The following ARMC2 variants were observed in gnomAD, a reference collection of about 807,000 sequenced individuals.
ARMC2 encodes armadillo repeat containing 2, also known as armadillo repeat-containing protein 2.
A neutral mutation model predicts 90.3 loss-of-function variants in ARMC2; 67 were observed. The ratio of observed to expected loss-of-function variants is 0.74; its 90% confidence interval spans 0.61 to 0.91. The LOEUF is 0.91. ARMC2 is among the 40% of genes least tolerant of loss of function. The pLI, the probability that ARMC2 is intolerant of heterozygous loss-of-function variation, is 0.00. For synonymous variants in ARMC2, 393 were observed against 393.0 expected (o/e 1.00, Z 0.00); for missense variants, 920 against 1,030.9 (o/e 0.89, Z 1.47).
intron 5 of ARMC2, among the ~76,000 whole-genome samples, chr6:108,888,513 G>T (rs1770607525): frequency 6.6e-6 from 1 of 152,208 alleles, no homozygotes; most frequent in African/African-American, 2.4e-5. Context: ...AAAGAATAAA[G>T]ATTTGTTTCA....
chr6:109,049,436 C>T, the ARMC2 span, among the ~76,000 whole-genome samples: 1 of 151,900 alleles, frequency 6.6e-6, no homozygotes, highest in South Asian at 2.1e-4. Flanking sequence ...AAAATTATAG[C>T]TAGATAAGCA....
At chr6:108,920,342 G>A (rs1279335902) in intron 10 of ARMC2, among the ~76,000 whole-genome samples, 2 of 151,876 alleles carry the variant, frequency 1.3e-5, no homozygotes, top group African/African-American at 2.4e-5. Context: ...GGCACGTGCC[G>A]CCACTTTTTT....
rs116216014 is a variant in ARMC2 at position 108,874,004 on chromosome 6, A to G, written c.464-2139A>G. 4.2e-3 allele frequency among the ~76,000 whole-genome samples: 640 copies of G among 152,354 alleles called. 3 individuals are homozygous for G. The highest frequency in any genetic ancestry group is 0.014 in the African/African-American group (600 of 41,576). On this transcript the variant is annotated intron_variant, in intron 4 of 17. Transcript: ENST00000392644. Reference sequence around the variant, plus strand: ...GTGGTATATAACAGGTATCAAATAAATATTTGTGAACCTGAACTGGTCCTG... The same window carrying G: ...GTGGTATATAACAGGTATCAAATAAGTATTTGTGAACCTGAACTGGTCCTG...
chr6:109,027,060 C>T, the ARMC2 span, among the ~76,000 whole-genome samples: 3 of 152,070 alleles, frequency 2.0e-5, no homozygotes, highest in African/African-American at 7.2e-5. Flanking sequence ...ATCCCAACTA[C>T]TCAGGAGGCT....
intron 13 of ARMC2, among the ~76,000 whole-genome samples, chr6:108,955,656 C>A (rs1562426764): frequency 6.6e-6 from 1 of 152,138 alleles, no homozygotes; most frequent in Non-Finnish European, 1.5e-5. Context: ...GTAAATAACT[C>A]AAAAATCTCT....
At chr6:108,968,625 G>T (rs565783123) in intron 17 of ARMC2, among the ~76,000 whole-genome samples, 2 of 152,188 alleles carry the variant, frequency 1.3e-5, no homozygotes, top group Non-Finnish European at 2.9e-5. Flanking sequence ...GGACTGCTGC[G>T]AGTGAAATGG....
At chr6:108,985,911 C>T in the ARMC2 span, among the ~76,000 whole-genome samples, 1 of 152,134 alleles carries the variant, frequency 6.6e-6, no homozygotes, top group Non-Finnish European at 1.5e-5. Flanking sequence ...CTATTCCTAG[C>T]TAAGGTTATA....
intron 12 of ARMC2, among the ~76,000 whole-genome samples, chr6:108,949,404 G>A (rs1777026214): frequency 6.6e-6 from 1 of 152,170 alleles, no homozygotes; most frequent in African/African-American, 2.4e-5. Flanking sequence ...CACATCATGA[G>A]TACTAATAAG....
chr6:108,932,052 A>G lies in ARMC2; in HGVS notation c.1496+3819A>G, dbSNP rs373480901. Among the ~76,000 whole-genome samples the G allele has an allele frequency of 3.9e-4, 60 of 152,038 alleles. 2 individuals carry two copies. The East Asian group carries it at 0.011, about 29-fold the overall frequency. ...AGTGCTGGGATTATAGGCGTGAGCC[A>G]CCGCACCTGGCCCTTTGCCCACTTT... On this transcript the variant is annotated intron_variant, in intron 11 of 17. Coordinates refer to ENST00000392644, the MANE Select transcript of ARMC2 (RefSeq NM_032131.6).
At chr6:108,904,646 TAAAAAA>T (rs58943428) in intron 8 of ARMC2, among the ~76,000 whole-genome samples, 3 of 144,272 alleles carry the variant, frequency 2.1e-5, no homozygotes, top group African/African-American at 5.1e-5. Context: ...GCAACTAAGT[TAAAAAA>T]AAAAAAAAGA....
intron 13 of ARMC2, among the ~76,000 whole-genome samples, chr6:108,955,733 G>A (rs182319229): frequency 2.0e-5 from 3 of 152,328 alleles, no homozygotes; most frequent in African/African-American, 4.8e-5. Context: ...GAAAATGCAC[G>A]TAGCTGTGAG....
chr6:108,944,738 C>G (rs996691903), intron 12 of ARMC2, among the ~76,000 whole-genome samples: 2 of 152,112 alleles, frequency 1.3e-5, no homozygotes, highest in East Asian at 1.9e-4. Flanking sequence ...CTTTACACCC[C>G]CTCTGTTTGC....
the ARMC2 span, chr6:109,000,392 T>C: frequency 3.4e-6 from 3 of 884,902 alleles, no homozygotes; most frequent in South Asian, 3.2e-5. Flanking sequence ...GGGTAGAAAA[T>C]AGGAACTCTC....
chr6:108,879,533 TCCACCCAC>T (rs545904693), intron 5 of ARMC2, among the ~76,000 whole-genome samples: 4 of 146,426 alleles, frequency 2.7e-5, no homozygotes, highest in Admixed American at 6.8e-5. Flanking sequence ...CATCTATCCA[TCCACCCAC>T]CCACCCACCC....
chr6:108,993,766 C>T, the ARMC2 span, among the ~76,000 whole-genome samples: 5 of 151,946 alleles, frequency 3.3e-5, no homozygotes, highest in East Asian at 9.7e-4. Flanking sequence ...TTTTTAGAGA[C>T]AGGAGTCTTG....
At position 108,961,655 on chromosome 6, in the gene ARMC2, A is replaced by G. The variant is rs756949389; in HGVS notation, c.1999A>G (p.Asn667Asp). 6.2e-7 allele frequency: 1 copy of G among 1,611,354 alleles called. No homozygotes were observed. The highest frequency in any genetic ancestry group is 1.3e-5 in the African/African-American group (1 of 74,994). ...CAATTTATCTTACTACCAAGTGAAG[A>G]ATTCCATAATTCAAGACAAAAAGCT... ...INNLSYYQVK[N>D]SIIQDKKLYI... The change falls in exon 14 of 18, where the codon AAT becomes GAT. Residue 667 changes from asparagine to aspartate, a missense_variant. Coordinates refer to ENST00000392644, the MANE Select transcript of ARMC2 (RefSeq NM_032131.6).
chr6:108,954,000 C>A (rs1777383828), intron 13 of ARMC2, among the ~76,000 whole-genome samples: 1 of 152,164 alleles, frequency 6.6e-6, no homozygotes. Flanking sequence ...CTGCAGACAG[C>A]CACCTACTCA....
chr6:109,000,275 A>G, the ARMC2 span: 1 of 377,810 alleles, frequency 2.6e-6, no homozygotes, highest in Non-Finnish European at 4.7e-6. Flanking sequence ...GCAAAGACTG[A>G]ACCCTAATGT....
At chr6:108,993,071 G>C in the ARMC2 span, 1 of 543,448 alleles carries the variant, frequency 1.8e-6, no homozygotes, top group Non-Finnish European at 3.2e-6. Context: ...ACAGAATGTA[G>C]TAAAAGGAGA....
Sources: gnomAD v4.1 joint callset for allele counts (sites outside exome capture counted in the v4.1 genomes callset) on GRCh38, gnomAD v4.1.1 for gene constraint, MANE v1.5 for transcripts, NCBI Gene and HGNC (gene_info 2026-07-23, HGNC 2026-07-21) for gene names.